Variants in CDK14 observed in about 807,000 individuals in gnomAD.
CDK14 encodes cyclin dependent kinase 14.
A neutral mutation model predicts 60.7 loss-of-function variants in CDK14; 34 were observed. The ratio of observed to expected loss-of-function variants is 0.56; its 90% CI spans 0.43 to 0.75. CDK14 has a LOEUF of 0.75. Among genes scored for constraint, CDK14 ranks in the 30% least tolerant of loss-of-function variants. CDK14 has a pLI of 0.00. For synonymous variants in CDK14, 197 were observed against 203.7 expected (o/e 0.97, Z 0.28); for missense variants, 482 against 564.1 (o/e 0.85, Z 1.47).
At chr7:91,101,976 A>T (rs937011563) in intron 12 of CDK14, among the ~76,000 whole-genome samples, 3 of 152,234 alleles carry the variant, frequency 2.0e-5, no homozygotes, top group African/African-American at 7.2e-5. Context: ...GGATGTGTAG[A>T]CAAGAAGACT....
In CDK14 at chr7:90,971,582, T is replaced by A. The variant is rs562652449; in HGVS notation, c.948-12566T>A. On this transcript the variant is annotated intron_variant, in intron 9 of 14. Transcript: ENST00000380050. ...TGGTAAGGAGGAAGAGAGAAAGTGT[T>A]TGGAGATCAGATTGTAGAAGTATTT... Among the ~76,000 whole-genome samples the A allele has an allele frequency of 9.9e-4, 150 of 151,570 alleles. 1 individual carries two copies. The highest frequency in any genetic ancestry group is 6.8e-3 in the Middle Eastern group (2 of 294).
chr7:91,031,931 G>T (rs1196625070), intron 10 of CDK14, among the ~76,000 whole-genome samples: 3 of 152,206 alleles, frequency 2.0e-5, no homozygotes, highest in Non-Finnish European at 4.4e-5. Flanking sequence ...AGGTCACCCA[G>T]TTGAGCACTC....
At chr7:90,799,916 A>C (rs1390106961) in intron 5 of CDK14, among the ~76,000 whole-genome samples, 2 of 152,160 alleles carry the variant, frequency 1.3e-5, no homozygotes, top group Non-Finnish European at 2.9e-5. Flanking sequence ...AAGTGATAAC[A>C]CATTTTTCAA....
chr7:91,196,223 T>C lies in CDK14; in HGVS notation c.*29-10942T>C, dbSNP rs116066409. Among the ~76,000 whole-genome samples, 708 of 152,280 alleles carry C rather than the reference T, an allele frequency of 4.6e-3. 13 individuals carry two copies. Among genetic ancestry groups the C allele is most frequent in the African/African-American group, 0.016 (674 of 41,554 alleles). On this transcript the variant is annotated intron_variant, in intron 14 of 14. Coordinates refer to ENST00000380050, the MANE Select transcript of CDK14 (RefSeq NM_001287135.2). ...CAGAAAGAGAGTAGAATAGTCCTGA[T>C]TGGTCACGTTTGTCTATATCCTGTC...
intron 3 of CDK14, among the ~76,000 whole-genome samples, chr7:90,735,050 T>A (rs994070866): frequency 1.3e-5 from 2 of 152,302 alleles, no homozygotes; most frequent in East Asian, 3.9e-4. Context: ...TTTGTTAGTT[T>A]TCTTTCTAAC....
intron 4 of CDK14, among the ~76,000 whole-genome samples, chr7:90,765,028 C>T (rs1258626762): frequency 2.0e-5 from 3 of 152,166 alleles, no homozygotes; most frequent in Admixed American, 2.0e-4. Flanking sequence ...TAGCAGTCAG[C>T]ATAGGTATTG....
At chr7:91,197,698 A>G (rs561479291) in intron 14 of CDK14, among the ~76,000 whole-genome samples, 134 of 152,338 alleles carry the variant, frequency 8.8e-4, no homozygotes, top group Non-Finnish European at 1.4e-3. Flanking sequence ...AGTACTTTGG[A>G]TAGGAGAAAA....
chr7:90,679,211 C>A (rs1373404139), intron 2 of CDK14, among the ~76,000 whole-genome samples: 2 of 152,172 alleles, frequency 1.3e-5, no homozygotes, highest in African/African-American at 2.4e-5. Context: ...ATCTGCCTCT[C>A]AAATGCTAGG....
At chr7:90,937,130 A>G (rs1793780975) in intron 8 of CDK14, among the ~76,000 whole-genome samples, 1 of 152,182 alleles carries the variant, frequency 6.6e-6, no homozygotes, top group African/African-American at 2.4e-5. Flanking sequence ...TAAATAATTC[A>G]AAGTATAGGA....
At chr7:91,206,196 C>T (rs1443881046) in intron 14 of CDK14, among the ~76,000 whole-genome samples, 1 of 152,150 alleles carries the variant, frequency 6.6e-6, no homozygotes, top group African/African-American at 2.4e-5. Context: ...ATGCCACAGC[C>T]TGTGTGTGCA....
intron 6 of CDK14, among the ~76,000 whole-genome samples, chr7:90,876,366 C>T (rs1791563521): frequency 6.6e-6 from 1 of 152,176 alleles, no homozygotes. Flanking sequence ...TTTGGACACC[C>T]TCTGTTTTTC....
At chr7:91,094,404 AGT>A (rs2116286745) in intron 12 of CDK14, among the ~76,000 whole-genome samples, 1 of 152,234 alleles carries the variant, frequency 6.6e-6, no homozygotes, top group East Asian at 1.9e-4. Flanking sequence ...ATTTTTTACA[AGT>A]GTAGCGGTGG....
chr7:91,098,484 C>T (rs1336027825), intron 12 of CDK14, among the ~76,000 whole-genome samples: 1 of 147,658 alleles, frequency 6.8e-6, no homozygotes, highest in African/African-American at 2.5e-5. Context: ...TGCACATGTA[C>T]CCTAGAACTT....
At chr7:90,741,808 T>C (rs1244376394) in intron 3 of CDK14, among the ~76,000 whole-genome samples, 1 of 152,106 alleles carries the variant, frequency 6.6e-6, no homozygotes, top group Non-Finnish European at 1.5e-5. Flanking sequence ...TTGTTACAGG[T>C]TTCTATAGAA....
Position 90,626,553 on chromosome 7 carries a change from T to C in CDK14, c.123+22304T>C, listed in dbSNP as rs528986636. On this transcript the variant is annotated intron_variant, in intron 2 of 14. Coordinates refer to ENST00000380050, the MANE Select transcript of CDK14 (RefSeq NM_001287135.2). ...ATAATCTAAACTGAAGATTGATGCA[T>C]GTATAATTCTAATGAGCTTCTCGAC... Among the ~76,000 whole-genome samples the C allele has an allele frequency of 2.6e-5, 4 of 152,372 alleles. No homozygotes were observed. In the South Asian group the frequency reaches 6.2e-4, roughly 24 times the overall value.
chr7:91,181,530 T>C (rs1173434146), intron 14 of CDK14, among the ~76,000 whole-genome samples: 1 of 152,220 alleles, frequency 6.6e-6, no homozygotes, highest in Admixed American at 6.5e-5. Context: ...TTCTGTCTAA[T>C]TCTATCAGTT....
intron 3 of CDK14, among the ~76,000 whole-genome samples, chr7:90,727,804 T>C (rs1802696607): frequency 6.6e-6 from 1 of 152,166 alleles, no homozygotes; most frequent in East Asian, 1.9e-4. Flanking sequence ...TAATTTAATA[T>C]AGATTGGTTA....
intron 10 of CDK14, among the ~76,000 whole-genome samples, chr7:91,018,054 G>C (rs915286072): frequency 6.6e-5 from 10 of 152,170 alleles, no homozygotes; most frequent in Non-Finnish European, 4.4e-5. Context: ...ATTTATAACT[G>C]ATGACGTAAA....
chr7:90,626,252 G>T (rs1322613502), intron 2 of CDK14, among the ~76,000 whole-genome samples: 1 of 152,090 alleles, frequency 6.6e-6, no homozygotes, highest in Non-Finnish European at 1.5e-5. Flanking sequence ...GAGAGAACTG[G>T]TCATCACTGT....
Sources: allele counts gnomAD v4.1 joint callset (sites outside exome capture counted in the v4.1 genomes callset), GRCh38; gene constraint gnomAD v4.1.1; transcripts MANE v1.5; gene names NCBI Gene and HGNC (gene_info 2026-07-23, HGNC 2026-07-21).